Variants in KIF1A observed in about 807,000 individuals in gnomAD.
The protein encoded by KIF1A is kinesin-like protein KIF1A.
In KIF1A, 46 loss-of-function variants were observed where a neutral mutation model predicts 227.3. The ratio of observed to expected loss-of-function variants is 0.20; its 90% CI spans 0.16 to 0.26. The LOEUF is 0.26. Ranked by LOEUF, KIF1A falls within the 10% of genes least tolerant of loss-of-function variation. The pLI, the probability that KIF1A is intolerant of heterozygous loss-of-function variation, is 1.00. For synonymous variants in KIF1A, 1,022 were observed against 1,012.8 expected, an observed-to-expected ratio of 1.01 and a Z score of -0.17; for missense variants, 1,683 against 2,485.9, an observed-to-expected ratio of 0.68 and a Z score of 6.87.
At position 240,746,029 on chromosome 2, in the gene KIF1A, G is replaced by T. The variant is rs190997558; in HGVS notation, c.3202+10C>A. The T allele has an allele frequency of 5.7e-4, 912 of 1,607,380 alleles. 7 individuals are homozygous for T. The African/African-American group carries it at 0.011, about 19-fold the overall frequency. On this transcript the variant is annotated intron_variant, in intron 30 of 48. Coordinates refer to ENST00000498729, the MANE Select transcript of KIF1A (RefSeq NM_001244008.2). ...CCCTACGCCCTGGGCAGCTGGGGTG[G>T]GCGACCCACCTGAACAGGTGTTGTT...
Position 240,739,021 on chromosome 2 carries a change from A to G in KIF1A, c.3901+1037T>C, listed in dbSNP as rs1407832621. Among the ~76,000 whole-genome samples, 1 of 152,246 alleles carries G rather than the reference A, an allele frequency of 6.6e-6. No homozygotes were observed. The highest frequency in any genetic ancestry group is 1.5e-5 in the Non-Finnish European group (1 of 68,048). On this transcript the variant is annotated intron_variant, in intron 37 of 48. Coordinates refer to ENST00000498729, the MANE Select transcript of KIF1A (RefSeq NM_001244008.2). The surrounding 1 kb of genome is among the most constrained non-coding windows in gnomAD (Gnocchi z 5.6). ...TTAGGCTTGCCCTAAACAACCTCTG[A>G]AAGGAGGGTTTGGGTGCTTGTTCCA...
rs1278082659 is a variant in KIF1A at position 240,726,956 on chromosome 2, G to A, written c.4008-16C>T. On this transcript the variant is annotated splice_polypyrimidine_tract_variant and intron_variant, in intron 38 of 48. Transcript: ENST00000498729. This position sits in a 1 kb window ranked among gnomAD's most constrained non-coding sequence, Gnocchi z 5.2. ...GTAAAAGGTCCTGAAAGGAAGCAGA[G>A]ACAAAGTAGAAGTTGATGGCGTGGG... The A allele has an allele frequency of 5.3e-6, 8 of 1,515,406 alleles. No homozygotes were observed. Among genetic ancestry groups the A allele is most frequent in the South Asian group, 1.2e-5 (1 of 85,816 alleles). 93.9% of individuals were successfully genotyped at this position (1,515,406 alleles called of 1,614,324 possible). A position where few individuals can be genotyped will look rare whatever the true frequency, so the allele number is the denominator to read the frequency against.
chr2:240,741,560 T>C (rs868111865), intron 34 of KIF1A, among the ~76,000 whole-genome samples, 183 bp from the exon 35 acceptor site: 2 of 152,196 alleles, frequency 1.3e-5, no homozygotes, highest in African/African-American at 4.8e-5. Flanking sequence ...TCCTGGGCAC[T>C]CTGTGGCCTT....
intron 23 of KIF1A, among the ~76,000 whole-genome samples, 170 bp downstream of exon 23, chr2:240,762,549 A>T (rs554706828): frequency 2.0e-5 from 3 of 152,070 alleles, no homozygotes; most frequent in Non-Finnish European, 4.4e-5. Context: ...CCCTCCCCCA[A>T]TGCTGCTTCC....
chr2:240,716,510 A>G lies in KIF1A; in HGVS notation c.*854T>C, dbSNP rs1161271323. The stretch of plus-strand genomic sequence containing the variant: ...CCCCGCTCCCTCCTGGTCCCCGCCC[A>G]GGACAGATCACAGCCTGGGTGCCGT... On this transcript the variant is annotated 3_prime_UTR_variant, in exon 49 of 49. Transcript: ENST00000498729. 1 of 152,170 alleles carries G rather than the reference A, an allele frequency of 6.6e-6. No homozygotes were observed. The highest frequency in any genetic ancestry group is 1.5e-5 in the Non-Finnish European group (1 of 68,010). The allele number at this position is 152,170 out of a possible 1,614,324, so 9.4% of individuals were successfully genotyped here.
rs529827520 is a variant in KIF1A, at chr2:240,765,896, C to T, written c.1685-103G>A. On this transcript the variant is annotated intron_variant, in intron 19 of 48. Coordinates refer to ENST00000498729, the MANE Select transcript of KIF1A (RefSeq NM_001244008.2). ...CGGGCATGGCCTCTTCCAAGCCTCT[C>T]GCCTCTCTTTTCCCTGCTACACAGG... is the stretch of plus-strand genomic sequence containing the variant. 171 of 795,314 alleles carry T rather than the reference C, an allele frequency of 2.2e-4. 2 individuals carry two copies. In the South Asian group the frequency reaches 2.3e-3, roughly 11 times the overall value. The allele number at this position is 795,314 out of a possible 1,614,324, so 49.3% of individuals were successfully genotyped here. A position where few individuals can be genotyped will look rare whatever the true frequency, so the allele number is the denominator to read the frequency against.
At chr2:240,812,951 C>G (rs2058035332) in intron 1 of KIF1A, among the ~76,000 whole-genome samples, 1 of 141,814 alleles carries the variant, frequency 7.1e-6, no homozygotes. Flanking sequence ...TCCGCCTTCA[C>G]CTCAAGGATC....
rs1237348353 is a variant in KIF1A, at chr2:240,790,543, T to C, written c.107-1231A>G. 6.6e-6 allele frequency among the ~76,000 whole-genome samples: 1 copy of C among 151,922 alleles called. No homozygotes were observed. Among genetic ancestry groups the C allele is most frequent in the Admixed American group, 6.6e-5 (1 of 15,264 alleles). On this transcript the variant is annotated intron_variant, in intron 2 of 48. Transcript: ENST00000498729. This position sits in a 1 kb window ranked among gnomAD's most constrained non-coding sequence, Gnocchi z 5.0. Reference sequence around the variant, plus strand: ...AGAACAAAATGCCCCAGTTACGAGTTAAACTGTGTCCCCCTAATTTCATAT... The same window carrying C: ...AGAACAAAATGCCCCAGTTACGAGTCAAACTGTGTCCCCCTAATTTCATAT...
At chr2:240,770,557 C>T (rs1477160734) in intron 15 of KIF1A, among the ~76,000 whole-genome samples, 1 of 152,196 alleles carries the variant, frequency 6.6e-6, no homozygotes, top group Non-Finnish European at 1.5e-5. Flanking sequence ...CCATCCAGCT[C>T]ACTGCTCCTT....
Position 240,736,494 on chromosome 2 carries a change from C to A in KIF1A, c.4007+569G>T, listed in dbSNP as rs980643009. 1.6e-4 allele frequency among the ~76,000 whole-genome samples: 25 copies of A among 152,202 alleles called. No homozygotes were observed. Among genetic ancestry groups the A allele is most frequent in the Non-Finnish European group, 2.8e-4 (19 of 68,044 alleles). The stretch of plus-strand genomic sequence containing the variant: ...TCTCCCATCCCCTAACCCCAGCAGA[C>A]CCCGATAGGGCTGCCACAGACATCC... On this transcript the variant is annotated intron_variant, in intron 38 of 48. Transcript: ENST00000498729. The surrounding 1 kb of genome is among the most constrained non-coding windows in gnomAD (Gnocchi z 4.7).
chr2:240,777,748 C>A (rs908213991), intron 10 of KIF1A, among the ~76,000 whole-genome samples: 1 of 152,224 alleles, frequency 6.6e-6, no homozygotes, highest in Non-Finnish European at 1.5e-5. Flanking sequence ...CCTGACAAGC[C>A]GGGAGGGACC....
chr2:240,724,072 G>A, intron 40 of KIF1A, 36 bp from the exon 41 acceptor site: 2 of 1,583,362 alleles, frequency 1.3e-6, no homozygotes, highest in Non-Finnish European at 1.7e-6. Context: ...GCAGTCACCA[G>A]GCCCCGCAAC....
Position 240,793,024 on chromosome 2 carries a change from C to CG in KIF1A, c.107-3713_107-3712insC, listed in dbSNP as rs2055917569. On this transcript the variant is annotated intron_variant, in intron 2 of 48. Transcript: ENST00000498729. The surrounding 1 kb of genome is among the most constrained non-coding windows in gnomAD (Gnocchi z 4.8). ...GGACCTCCGAGTCTGGCCTCCAGAA[C>CG]AGGGGGGGGACATTTCTGTCATTTG... Among the ~76,000 whole-genome samples, 1 of 152,276 alleles carries CG rather than the reference C, an allele frequency of 6.6e-6. No individual in the cohort carries two copies.
chr2:240,761,490 A>G lies in KIF1A; in HGVS notation c.2117-113T>C, dbSNP rs2050525268. On this transcript the variant is annotated intron_variant, in intron 23 of 48. Transcript: ENST00000498729. ...CCACTCCATGGGGCTGCCTAAGCTG[A>G]CCCTGTGCTCTGTGTACATCACGGC... The G allele has an allele frequency of 4.1e-6, 4 of 978,376 alleles. No homozygotes were observed. The South Asian group carries it at 8.2e-5, about 20-fold the overall frequency. 60.6% of individuals were successfully genotyped at this position (978,376 alleles called of 1,614,324 possible).
intron 2 of KIF1A, among the ~76,000 whole-genome samples, chr2:240,796,609 C>T (rs960894148): frequency 6.6e-6 from 1 of 152,212 alleles, no homozygotes; most frequent in African/African-American, 2.4e-5. Context: ...AGTCAGGATG[C>T]AACCCTGAAG....
At chr2:240,787,216 T>A (rs750953788) in intron 5 of KIF1A, 35 bp downstream of exon 5, 5 of 1,561,726 alleles carry the variant, frequency 3.2e-6, no homozygotes, top group Non-Finnish European at 4.4e-6. Flanking sequence ...TTCCCAGCCC[T>A]GCCCCAGCGG....
At chr2:240,765,648 G>T in intron 20 of KIF1A, 62 bp downstream of exon 20, 1 of 1,341,978 alleles carries the variant, frequency 7.5e-7, no homozygotes, top group Non-Finnish European at 1.1e-6. Context: ...TTGGACATGG[G>T]AACAGAGGCC....
chr2:240,781,965 C>G (rs1033735757), intron 10 of KIF1A: 1 of 985,462 alleles, frequency 1.0e-6, no homozygotes. Context: ...CCGCCGAGTT[C>G]CCTGTGCGTT....
chr2:240,807,086 G>A (rs867827122), intron 1 of KIF1A, among the ~76,000 whole-genome samples: 5,852 of 77,336 alleles, frequency 0.076, 131 homozygotes, highest in Middle Eastern at 0.12. Context: ...ATATGTGTGT[G>A]TGTGTGTGTG....
Sources: allele counts gnomAD v4.1 joint callset (sites outside exome capture counted in the v4.1 genomes callset), GRCh38; gene constraint gnomAD v4.1.1; non-coding constraint Gnocchi (gnomAD v3.1); transcripts MANE v1.5; gene names NCBI Gene and HGNC (gene_info 2026-07-23, HGNC 2026-07-21).